The following CADM2 variants were observed in gnomAD, a reference collection of about 807,000 sequenced individuals.
CADM2 encodes the protein cell adhesion molecule 2.
Under a neutral mutation model 49.8 loss-of-function variants are expected in CADM2, and 12 were observed. That is an observed-to-expected ratio of 0.24 (90% CI 0.15 to 0.39). CADM2 has a LOEUF of 0.39. Among genes scored for constraint, CADM2 ranks in the 10% least tolerant of loss-of-function variants. The pLI is 1.00. For missense variants in CADM2, 378 were observed against 492.3 expected (o/e 0.77, Z 2.20); for synonymous variants, 214 against 175.4 (o/e 1.22, Z -1.74).
At position 85,302,521 on chromosome 3, in the gene CADM2, G is replaced by T. The variant is rs182899506; in HGVS notation, c.61+342853G>T. Among the ~76,000 whole-genome samples the T allele has an allele frequency of 1.8e-3, 268 of 152,044 alleles. 3 individuals carry two copies. Among genetic ancestry groups the T allele is most frequent in the Middle Eastern group, 0.017 (5 of 294 alleles). On this transcript the variant is annotated intron_variant, in intron 1 of 9. Transcript: ENST00000383699. ...CTCTCCATCTTGAATACTTTTAATC[G>T]TTGAAATGTCAATATATGTGAATTT...
intron 1 of CADM2, among the ~76,000 whole-genome samples, chr3:85,295,877 T>G (rs1055140224): frequency 2.6e-5 from 4 of 151,442 alleles, no homozygotes; most frequent in Admixed American, 2.6e-4. Context: ...TGTATACATA[T>G]GTAACTAACC....
intron 2 of CADM2, among the ~76,000 whole-genome samples, chr3:85,744,088 A>G (rs1029983107): frequency 1.3e-5 from 2 of 152,128 alleles, no homozygotes; most frequent in African/African-American, 4.8e-5. Flanking sequence ...AAAGGTGATT[A>G]GTACTATGAA....
intron 2 of CADM2, among the ~76,000 whole-genome samples, chr3:85,765,257 A>T (rs1302227388): frequency 6.6e-6 from 1 of 152,086 alleles, no homozygotes; most frequent in Non-Finnish European, 1.5e-5. Flanking sequence ...TTCTTTTGAA[A>T]ATTATCAACC....
intron 1 of CADM2, among the ~76,000 whole-genome samples, chr3:85,452,778 CTCT>C (rs1473426739): frequency 6.6e-6 from 1 of 152,158 alleles, no homozygotes; most frequent in African/African-American, 2.4e-5. Context: ...ACACAGTGTT[CTCT>C]TCTTTAAACA....
At chr3:85,365,136 A>G (rs2032657336) in intron 1 of CADM2, among the ~76,000 whole-genome samples, 2 of 151,770 alleles carry the variant, frequency 1.3e-5, no homozygotes, top group Admixed American at 1.3e-4. Context: ...TCTATTTAAA[A>G]AAATTATACT....
intron 1 of CADM2, among the ~76,000 whole-genome samples, chr3:85,047,930 G>GTAAT (rs1468335827): frequency 7.9e-5 from 12 of 152,084 alleles, no homozygotes; most frequent in Admixed American, 5.3e-4. Flanking sequence ...GTTTTCTGCA[G>GTAAT]AGTGACAGTA....
At chr3:85,462,875 G>T (rs1054938712) in intron 1 of CADM2, among the ~76,000 whole-genome samples, 1 of 152,022 alleles carries the variant, frequency 6.6e-6, no homozygotes, top group Non-Finnish European at 1.5e-5. Context: ...CCACATTACT[G>T]AAAAAAGGTC....
intron 8 of CADM2, among the ~76,000 whole-genome samples, chr3:85,999,274 G>T (rs920744603): frequency 6.6e-6 from 1 of 151,294 alleles, no homozygotes; most frequent in African/African-American, 2.4e-5. Context: ...CGAGGGTTGG[G>T]GGGTGGATCA....
At chr3:85,039,629 C>A (rs2035359532) in intron 1 of CADM2, among the ~76,000 whole-genome samples, 1 of 152,184 alleles carries the variant, frequency 6.6e-6, no homozygotes, top group African/African-American at 2.4e-5. Context: ...TCTATATTTT[C>A]TTTTTAGTCC....
chr3:85,866,602 G>A (rs975192488), intron 3 of CADM2, among the ~76,000 whole-genome samples: 13 of 151,970 alleles, frequency 8.6e-5, no homozygotes, highest in African/African-American at 3.1e-4. Context: ...ATCAGTACAG[G>A]CACTTTGTAC....
chr3:85,768,470 T>TAAATAAATAAATAATA (rs11456585), intron 2 of CADM2, among the ~76,000 whole-genome samples: 1 of 143,780 alleles, frequency 7.0e-6, no homozygotes, highest in Admixed American at 7.1e-5. Flanking sequence ...AATAAATAAA[T>TAAATAAATAAATAATA]AATAAATAAA....
intron 1 of CADM2, among the ~76,000 whole-genome samples, chr3:84,987,687 G>A (rs1305584004): frequency 6.6e-6 from 1 of 152,160 alleles, no homozygotes; most frequent in Non-Finnish European, 1.5e-5. Flanking sequence ...TGCAACCACA[G>A]TAGTAATAAC....
At chr3:85,336,600 C>T (rs2045084582) in intron 1 of CADM2, among the ~76,000 whole-genome samples, 1 of 150,720 alleles carries the variant, frequency 6.6e-6, no homozygotes, top group African/African-American at 2.4e-5. Flanking sequence ...TCAATTTGGA[C>T]TAATAGTCAA....
intron 1 of CADM2, among the ~76,000 whole-genome samples, chr3:85,691,884 C>G (rs950382206): frequency 1.3e-5 from 2 of 151,992 alleles, no homozygotes; most frequent in Non-Finnish European, 2.9e-5. Flanking sequence ...GACAAAAAAC[C>G]AAACACCGCA....
intron 1 of CADM2, among the ~76,000 whole-genome samples, chr3:85,408,010 C>CAAAAAAAAAAAAAAAAAAAAAGAAAA: frequency 1.8e-5 from 1 of 56,184 alleles, no homozygotes; most frequent in Admixed American, 2.9e-4. Context: ...AAAACAAAAC[C>CAAAAAAAAAAAAAAAAAAAAAGAAAA]AAAAAAAAAA....
At chr3:86,007,245 C>T (rs1442695037) in intron 8 of CADM2, among the ~76,000 whole-genome samples, 1 of 151,544 alleles carries the variant, frequency 6.6e-6, no homozygotes, top group Non-Finnish European at 1.5e-5. Flanking sequence ...TAAAGTATGC[C>T]TCTATTCAAA....
chr3:85,016,526 CTCATGCCTGTAG>C (rs2034255445), intron 1 of CADM2, among the ~76,000 whole-genome samples: 1 of 152,108 alleles, frequency 6.6e-6, no homozygotes, highest in Admixed American at 6.6e-5. Context: ...GGTGTGGTGG[CTCATGCCTGTAG>C]TCCTAGCACT....
intron 1 of CADM2, among the ~76,000 whole-genome samples, chr3:85,638,118 T>C (rs910667966): frequency 6.6e-6 from 1 of 152,216 alleles, no homozygotes; most frequent in Non-Finnish European, 1.5e-5. Context: ...ACCATCATTA[T>C]TATCTCTTAA....
intron 1 of CADM2, among the ~76,000 whole-genome samples, chr3:85,518,878 C>G (rs936775579): frequency 1.3e-5 from 2 of 152,176 alleles, no homozygotes; most frequent in East Asian, 1.9e-4. Context: ...TATAAAATAA[C>G]ATTTACAGAT....
Sources: gnomAD v4.1 joint callset for allele counts (sites outside exome capture counted in the v4.1 genomes callset) on GRCh38, gnomAD v4.1.1 for gene constraint, MANE v1.5 for transcripts, NCBI Gene and HGNC (gene_info 2026-07-23, HGNC 2026-07-21) for gene names.